Variants in SHANK2 observed in about 807,000 individuals in gnomAD.
The protein encoded by SHANK2 is SH3 and multiple ankyrin repeat domains 2.
A neutral mutation model predicts 133.7 loss-of-function variants in SHANK2; 43 were observed. The observed-to-expected ratio is 0.32, with a 90% CI of 0.25 to 0.41. The LOEUF (loss-of-function observed/expected upper bound fraction) is 0.41. SHANK2 is among the 10% of genes least tolerant of loss of function. The probability of loss-of-function intolerance (pLI) is 1.00; values close to 1 mark genes in which losing one functional copy is unlikely to be tolerated. For synonymous variants in SHANK2, 1,017 were observed against 952.8 expected, an observed-to-expected ratio of 1.07 and a Z score of -1.24; for missense variants, 1,994 against 2,235.8, an observed-to-expected ratio of 0.89 and a Z score of 2.18.
At chr11:71,242,449 C>CCA (rs1954907056) in intron 1 of SHANK2, among the ~76,000 whole-genome samples, 2 of 152,174 alleles carry the variant, frequency 1.3e-5, no homozygotes, top group African/African-American at 4.8e-5. Flanking sequence ...CTCTCAATTT[C>CCA]CACTGAACTC....
At chr11:70,774,737 A>C (rs1241061890) in intron 14 of SHANK2, among the ~76,000 whole-genome samples, 2 of 152,224 alleles carry the variant, frequency 1.3e-5, no homozygotes, top group Non-Finnish European at 2.9e-5. Context: ...GTGCACTTTA[A>C]AACAGTAAAT....
intron 10 of SHANK2, among the ~76,000 whole-genome samples, chr11:70,908,754 G>C (rs1411302017): frequency 6.6e-6 from 1 of 152,174 alleles, no homozygotes; most frequent in East Asian, 1.9e-4. Context: ...GGCGGTGGGG[G>C]ATCATATATG....
At chr11:71,073,261 C>A (rs1206509349) in intron 9 of SHANK2, among the ~76,000 whole-genome samples, 2 of 149,620 alleles carry the variant, frequency 1.3e-5, no homozygotes, top group African/African-American at 2.5e-5. Context: ...CGGGTTCAAG[C>A]AATTCTCTTG....
rs1950348771 is a variant in SHANK2 at position 70,921,336 on chromosome 11, C to T, written c.1108-24769G>A. 2.6e-5 allele frequency among the ~76,000 whole-genome samples: 4 copies of T among 152,232 alleles called. No homozygotes were observed. The South Asian group carries it at 8.3e-4, about 31-fold the overall frequency. ...GCTAAAGCTGCTTCTCCCCTAGGAT[C>T]ATTTGTACATCCCAGACTCAGGAAA... On this transcript the variant is annotated intron_variant, in intron 10 of 25. Coordinates refer to ENST00000601538, the MANE Select transcript of SHANK2 (RefSeq NM_012309.5).
intron 7 of SHANK2, among the ~76,000 whole-genome samples, chr11:71,094,244 T>C (rs1555094821): frequency 6.6e-6 from 1 of 152,084 alleles, no homozygotes; most frequent in African/African-American, 2.4e-5. Flanking sequence ...GGGTTGGGGT[T>C]CACCACTGGC....
chr11:70,645,649 G>A (rs2061250022), intron 17 of SHANK2, among the ~76,000 whole-genome samples: 1 of 152,138 alleles, frequency 6.6e-6, no homozygotes, highest in Non-Finnish European at 1.5e-5. Flanking sequence ...CGAATTGGAG[G>A]CAACGCCACC....
rs1485326854 is a variant in SHANK2, at chr11:70,804,299, G to C, written c.1663+2703C>G. ...TGCCATGCAGGCAGCAAGGATGTGC[G>C]GGCCACCCCACGATGGGGAGGAGGC... On this transcript the variant is annotated intron_variant, in intron 13 of 25. Coordinates refer to ENST00000601538, the MANE Select transcript of SHANK2 (RefSeq NM_012309.5). The surrounding 1 kb of genome is among the most constrained non-coding windows in gnomAD (Gnocchi z 4.1). Among the ~76,000 whole-genome samples the C allele has an allele frequency of 6.6e-6, 1 of 152,156 alleles. No individual in the cohort carries two copies. The highest frequency in any genetic ancestry group is 1.5e-5 in the Non-Finnish European group (1 of 68,016).
intron 8 of SHANK2, among the ~76,000 whole-genome samples, chr11:71,081,077 TA>T (rs1951293519): frequency 6.6e-6 from 1 of 152,056 alleles, no homozygotes; most frequent in African/African-American, 2.4e-5. Context: ...ATGAGGCCAT[TA>T]GGGGGCCCCT....
chr11:70,692,853 G>A lies in SHANK2; in HGVS notation c.1853+5835C>T, dbSNP rs552577432. On this transcript the variant is annotated intron_variant, in intron 15 of 25. Coordinates refer to ENST00000601538, the MANE Select transcript of SHANK2 (RefSeq NM_012309.5). ...GCATACTTTGCCATCCTTCTAATTC[G>A]CTCTCTAAGAGAAAACTGGTTTTCT... 9.6e-4 allele frequency among the ~76,000 whole-genome samples: 146 copies of A among 152,300 alleles called. 2 individuals carry two copies. The highest frequency in any genetic ancestry group is 3.4e-3 in the African/African-American group (140 of 41,556).
At chr11:70,505,029 G>C (rs2059117300) in intron 17 of SHANK2, among the ~76,000 whole-genome samples, 1 of 152,176 alleles carries the variant, frequency 6.6e-6, no homozygotes, top group Non-Finnish European at 1.5e-5. Flanking sequence ...TGGGAAGTTT[G>C]CGTCCTCATC....
At chr11:70,482,065 C>T (rs970654222) in intron 25 of SHANK2, among the ~76,000 whole-genome samples, 2 of 152,228 alleles carry the variant, frequency 1.3e-5, no homozygotes, top group Admixed American at 1.3e-4. Context: ...AAGTGCTCAG[C>T]CTGGTGAGGT....
chr11:71,181,417 C>T (rs1038200004), intron 2 of SHANK2, among the ~76,000 whole-genome samples: 1 of 152,054 alleles, frequency 6.6e-6, no homozygotes, highest in Non-Finnish European at 1.5e-5. Context: ...ACAGGAGGAT[C>T]GCCGGAGCCC....
chr11:70,728,695 C>G (rs1418353436), intron 14 of SHANK2, among the ~76,000 whole-genome samples: 1 of 152,198 alleles, frequency 6.6e-6, no homozygotes, highest in East Asian at 1.9e-4. Context: ...GCCCAAGGTG[C>G]TGTTTGAATT....
intron 14 of SHANK2, among the ~76,000 whole-genome samples, chr11:70,740,384 G>A (rs782808347): frequency 1.3e-5 from 2 of 152,312 alleles, no homozygotes; most frequent in Admixed American, 6.5e-5. Context: ...ATGCCAGCCC[G>A]TTTATCCTGA....
intron 6 of SHANK2, among the ~76,000 whole-genome samples, chr11:71,102,002 A>T (rs76555264): frequency 0.028 from 4,247 of 152,344 alleles, 83 homozygotes; most frequent in African/African-American, 0.053. Context: ...TAAAGGAACC[A>T]TCTCTTTTTG....
At chr11:70,614,532 C>T (rs1554995375) in intron 17 of SHANK2, among the ~76,000 whole-genome samples, 2 of 152,118 alleles carry the variant, frequency 1.3e-5, no homozygotes, top group African/African-American at 4.8e-5. Flanking sequence ...AGGCTGGTCT[C>T]CAACTCCTGA....
chr11:70,785,203 A>T (rs536849193), intron 14 of SHANK2, among the ~76,000 whole-genome samples: 1 of 152,062 alleles, frequency 6.6e-6, no homozygotes, highest in Non-Finnish European at 1.5e-5. Context: ...AGACCTGCAC[A>T]CCACACAGGA....
intron 14 of SHANK2, among the ~76,000 whole-genome samples, chr11:70,796,550 C>A (rs1947919471): frequency 6.6e-6 from 1 of 152,296 alleles, no homozygotes; most frequent in South Asian, 2.1e-4. Context: ...TTGAGCAACC[C>A]TGGGAGGCAA....
At chr11:70,949,439 C>T (rs12272307) in intron 10 of SHANK2, among the ~76,000 whole-genome samples, 8,773 of 152,274 alleles carry the variant, frequency 0.058, 848 homozygotes, top group African/African-American at 0.2. Flanking sequence ...TGTGGGGAGA[C>T]GTCCTCACTC....
Sources: gnomAD v4.1 joint callset for allele counts (sites outside exome capture counted in the v4.1 genomes callset) on GRCh38, gnomAD v4.1.1 for gene constraint, Gnocchi (gnomAD v3.1) non-coding constraint, MANE v1.5 for transcripts, NCBI Gene and HGNC (gene_info 2026-07-23, HGNC 2026-07-21) for gene names.